The following SKAP1 variants were observed in gnomAD, a reference collection of about 807,000 sequenced individuals.
SKAP1 encodes the protein src kinase associated phosphoprotein 1, also known as src kinase-associated phosphoprotein 1.
Under a neutral mutation model 58.5 loss-of-function variants are expected in SKAP1, and 44 were observed. The ratio of observed to expected loss-of-function variants is 0.75; its 90% CI spans 0.59 to 0.97. The LOEUF is 0.97. SKAP1 is among the 50% of genes least tolerant of loss of function. The pLI, the probability that SKAP1 is intolerant of heterozygous loss-of-function variation, is 0.00. For synonymous variants in SKAP1, 127 were observed against 149.7 expected, an observed-to-expected ratio of 0.85 and a Z score of 1.11; for missense variants, 390 against 435.2, an observed-to-expected ratio of 0.90 and a Z score of 0.92.
chr17:48,297,341 A>G (rs2065991020), intron 4 of SKAP1, among the ~76,000 whole-genome samples: 1 of 152,202 alleles, frequency 6.6e-6, no homozygotes, highest in African/African-American at 2.4e-5. Context: ...ACGGGTAAAT[A>G]TATACATTTA....
intron 4 of SKAP1, among the ~76,000 whole-genome samples, chr17:48,241,459 C>T (rs1286181070): frequency 6.6e-6 from 1 of 152,108 alleles, no homozygotes; most frequent in African/African-American, 2.4e-5. Context: ...GGGCTGACAG[C>T]TCATGAACAG....
At chr17:48,340,526 T>G (rs1412679531) in intron 4 of SKAP1, among the ~76,000 whole-genome samples, 2 of 152,110 alleles carry the variant, frequency 1.3e-5, no homozygotes, top group Non-Finnish European at 2.9e-5. Flanking sequence ...GAAGCACACA[T>G]AGCACATAAG....
At chr17:48,197,024 C>T (rs1355503038) in intron 4 of SKAP1, among the ~76,000 whole-genome samples, 2 of 152,058 alleles carry the variant, frequency 1.3e-5, no homozygotes, top group Admixed American at 6.5e-5. Flanking sequence ...TTTGGGAGGC[C>T]GAGGTGGGCA....
Position 48,137,227 on chromosome 17 carries a change from A to G in SKAP1, c.*7+2T>C. On this transcript the variant is annotated splice_donor_variant, in intron 12 of 12. Transcript: ENST00000336915. LOFTEE classifies it low-confidence loss of function (3UTR_SPLICE). ...GCAGTTCATTGGCCATGGTTCTGAT[A>G]CCTGGGTTTCATCTTTCTTCCACTT... 1 of 1,598,118 alleles carries G rather than the reference A, an allele frequency of 6.3e-7. No individual in the cohort carries two copies. The highest frequency in any genetic ancestry group is 1.1e-5 in the South Asian group (1 of 90,616).
Position 48,430,171 on chromosome 17 carries a change from C to A in SKAP1, c.-51G>T. 1 of 1,194,592 alleles carries A rather than the reference C, an allele frequency of 8.4e-7. No homozygotes were observed. The highest frequency in any genetic ancestry group is 1.0e-6 in the Non-Finnish European group (1 of 955,226). The allele number at this position is 1,194,592 out of a possible 1,614,324, so 74.0% of individuals were successfully genotyped here. On this transcript the variant is annotated 5_prime_UTR_variant, in exon 1 of 13. Coordinates refer to ENST00000336915, the MANE Select transcript of SKAP1 (RefSeq NM_003726.4). ...CGGGGCGCGGGCCCTGGTCGGGAGG[C>A]GGACGGGCTGGAAGGCGACCCGGCT... is the stretch of plus-strand genomic sequence containing the variant.
At chr17:48,237,290 G>T (rs1598456015) in intron 4 of SKAP1, among the ~76,000 whole-genome samples, 1 of 152,146 alleles carries the variant, frequency 6.6e-6, no homozygotes, top group African/African-American at 2.4e-5. Context: ...CAATATAAGA[G>T]ACTTTATTCC....
At chr17:48,423,781 G>C (rs2067822676) in intron 1 of SKAP1, among the ~76,000 whole-genome samples, 1 of 152,114 alleles carries the variant, frequency 6.6e-6, no homozygotes, top group African/African-American at 2.4e-5. Flanking sequence ...TTCTGAGACA[G>C]GATCTCACTA....
chr17:48,423,551 CT>C (rs1331367666), intron 1 of SKAP1, among the ~76,000 whole-genome samples: 1 of 152,152 alleles, frequency 6.6e-6, no homozygotes, highest in Non-Finnish European at 1.5e-5. Flanking sequence ...TACTAAGCAG[CT>C]GAAATGTCGC....
intron 4 of SKAP1, among the ~76,000 whole-genome samples, chr17:48,339,098 C>A (rs1010579677): frequency 2.0e-5 from 3 of 152,128 alleles, no homozygotes; most frequent in Non-Finnish European, 4.4e-5. Context: ...CTGTAGAATT[C>A]ATTATTTGGC....
upstream of SKAP1, chr17:48,430,230 GCCGCCCGCCCAGC>G (rs1369958904): frequency 4.2e-5 from 33 of 781,226 alleles, no homozygotes; most frequent in Non-Finnish European, 4.8e-5. Flanking sequence ...AGCCGCGGTC[GCCGCCCGCCCAGC>G]CCGGCCGCGG....
intron 4 of SKAP1, among the ~76,000 whole-genome samples, chr17:48,250,335 G>A (rs150846524): frequency 9.2e-4 from 121 of 131,686 alleles, no homozygotes; most frequent in Non-Finnish European, 1.7e-3. Flanking sequence ...AGGCTGGAGC[G>A]CAGTGGCATG....
chr17:48,404,620 G>C (rs1406957275), intron 1 of SKAP1, among the ~76,000 whole-genome samples: 1 of 151,794 alleles, frequency 6.6e-6, no homozygotes, highest in Non-Finnish European at 1.5e-5. Flanking sequence ...AAAGACAATG[G>C]GTTTAATTAT....
chr17:48,310,403 T>C (rs898755697), intron 4 of SKAP1, among the ~76,000 whole-genome samples: 4 of 152,220 alleles, frequency 2.6e-5, no homozygotes, highest in Admixed American at 6.5e-5. Flanking sequence ...ACAGAAACAA[T>C]TGTGGTTCCA....
At chr17:48,301,611 G>C (rs1179327680) in intron 4 of SKAP1, among the ~76,000 whole-genome samples, 1 of 151,984 alleles carries the variant, frequency 6.6e-6, no homozygotes, top group African/African-American at 2.4e-5. Context: ...CAAGTAGCTG[G>C]GATTACAGGC....
At chr17:48,368,835 T>C (rs771205077) in intron 2 of SKAP1, among the ~76,000 whole-genome samples, 12 of 152,216 alleles carry the variant, frequency 7.9e-5, no homozygotes, top group Non-Finnish European at 1.6e-4. Context: ...CTTAAAATTT[T>C]AGTATTAAAT....
chr17:48,405,505 CTT>C (rs548488852), intron 1 of SKAP1, among the ~76,000 whole-genome samples: 3 of 90,882 alleles, frequency 3.3e-5, no homozygotes, highest in East Asian at 2.9e-4. Flanking sequence ...TCCTTTCTTT[CTT>C]TTTTTTTTTT....
chr17:48,135,619 A>G (rs1338134326), intron 12 of SKAP1, among the ~76,000 whole-genome samples: 3 of 152,092 alleles, frequency 2.0e-5, no homozygotes, highest in Non-Finnish European at 1.5e-5. Flanking sequence ...CTGGGCCTAC[A>G]GACGTGCACC....
Position 48,275,646 on chromosome 17 carries a change from G to T in SKAP1, c.280+70259C>A, listed in dbSNP as rs149937106. Among the ~76,000 whole-genome samples the T allele has an allele frequency of 3.5e-3, 530 of 152,298 alleles. 2 individuals carry two copies. The highest frequency in any genetic ancestry group is 6.5e-3 in the Non-Finnish European group (439 of 68,030). On this transcript the variant is annotated intron_variant, in intron 4 of 12. Coordinates refer to ENST00000336915, the MANE Select transcript of SKAP1 (RefSeq NM_003726.4). ...TTGGTTTTGGACATTGTTGGGTCAG[G>T]GTTCTTAGCTGCAAAGCAGAAGCTG...
At chr17:48,293,757 C>T (rs1209116002) in intron 4 of SKAP1, among the ~76,000 whole-genome samples, 1 of 152,214 alleles carries the variant, frequency 6.6e-6, no homozygotes, top group Non-Finnish European at 1.5e-5. Flanking sequence ...AACATGGAGT[C>T]AGACTGAAAT....
Sources: allele counts gnomAD v4.1 joint callset (sites outside exome capture counted in the v4.1 genomes callset), GRCh38; gene constraint gnomAD v4.1.1; transcripts MANE v1.5; gene names NCBI Gene and HGNC (gene_info 2026-07-23, HGNC 2026-07-21).